Variants in SLCO3A1 observed in about 807,000 individuals in gnomAD.
SLCO3A1 encodes solute carrier organic anion transporter family member 3A1.
A neutral mutation model predicts 63.1 loss-of-function variants in SLCO3A1; 27 were observed. The ratio of observed to expected loss-of-function variants is 0.43; its 90% confidence interval spans 0.32 to 0.59. SLCO3A1 has a LOEUF of 0.59. Ranked by LOEUF, SLCO3A1 falls within the 20% of genes least tolerant of loss-of-function variation. SLCO3A1 has a pLI of 0.09. For missense variants in SLCO3A1, 773 were observed against 945.8 expected (o/e 0.82, Z 2.40); for synonymous variants, 473 against 409.9 (o/e 1.15, Z -1.86).
rs2048050546 is a variant in SLCO3A1 at position 92,135,834 on chromosome 15, T to C, written c.1512+7345T>C. On this transcript the variant is annotated intron_variant, in intron 7 of 9. Coordinates refer to ENST00000318445, the MANE Select transcript of SLCO3A1 (RefSeq NM_013272.4). ...GCAAAAGCAGGAAGAGCATGGCCTGTGGTGGTACTCCCCGGTAAACTCCCT... is the reference window on the plus strand; with the variant it reads ...GCAAAAGCAGGAAGAGCATGGCCTGCGGTGGTACTCCCCGGTAAACTCCCT... Among the ~76,000 whole-genome samples, 4 of 152,120 alleles carry C rather than the reference T, an allele frequency of 2.6e-5. No homozygotes were observed. The South Asian group carries it at 8.3e-4, about 32-fold the overall frequency.
intron 2 of SLCO3A1, among the ~76,000 whole-genome samples, chr15:91,930,927 T>C (rs1420296518): frequency 6.6e-6 from 1 of 152,228 alleles, no homozygotes; most frequent in Non-Finnish European, 1.5e-5. Context: ...TATTCTCAAC[T>C]ACTGTGTTTT....
At chr15:92,042,059 T>G (rs1175637033) in intron 2 of SLCO3A1, among the ~76,000 whole-genome samples, 1 of 152,164 alleles carries the variant, frequency 6.6e-6, no homozygotes, top group East Asian at 1.9e-4. Flanking sequence ...AGGTCTCAGA[T>G]GAGCCCCATG....
Position 91,865,788 on chromosome 15 carries a change from A to T in SLCO3A1, c.180+11700A>T, listed in dbSNP as rs1232115664. Among the ~76,000 whole-genome samples the T allele has an allele frequency of 6.6e-6, 1 of 152,192 alleles. No individual in the cohort carries two copies. Among genetic ancestry groups the T allele is most frequent in the African/African-American group, 2.4e-5 (1 of 41,442 alleles). ...TACATCTGCTAAGTCCTCGTTTCCAAATTAGGTCACATTCACAGGCACTAA... is the reference window on the plus strand; with the variant it reads ...TACATCTGCTAAGTCCTCGTTTCCATATTAGGTCACATTCACAGGCACTAA... On this transcript the variant is annotated intron_variant, in intron 1 of 9. Transcript: ENST00000318445. This position sits in a 1 kb window ranked among gnomAD's most constrained non-coding sequence, Gnocchi z 4.6.
intron 2 of SLCO3A1, among the ~76,000 whole-genome samples, chr15:92,083,067 CTG>C (rs774099073): frequency 1.2e-4 from 19 of 152,216 alleles, no homozygotes; most frequent in Non-Finnish European, 2.2e-4. Context: ...GGTAGGAAAA[CTG>C]TGTTTTCCCC....
At chr15:91,898,591 G>A (rs1428904396) in intron 1 of SLCO3A1, among the ~76,000 whole-genome samples, 51 of 151,950 alleles carry the variant, frequency 3.4e-4, no homozygotes, top group Non-Finnish European at 4.4e-5. Context: ...TTAACATTTC[G>A]ATCCGCAAGA....
At chr15:92,074,909 G>A (rs2047259769) in intron 2 of SLCO3A1, among the ~76,000 whole-genome samples, 1 of 152,214 alleles carries the variant, frequency 6.6e-6, no homozygotes, top group African/African-American at 2.4e-5. Flanking sequence ...AGAGCCAACA[G>A]TGAGGTGGAT....
At chr15:92,131,447 C>T (rs1379891077) in intron 7 of SLCO3A1, among the ~76,000 whole-genome samples, 1 of 116,692 alleles carries the variant, frequency 8.6e-6, no homozygotes, top group African/African-American at 2.9e-5. Context: ...TCACTGCAAC[C>T]TCTGCCTCCC....
At chr15:92,066,956 C>G (rs898482824) in intron 2 of SLCO3A1, among the ~76,000 whole-genome samples, 2 of 152,140 alleles carry the variant, frequency 1.3e-5, no homozygotes, top group Admixed American at 6.5e-5. Context: ...TATGGAGGAG[C>G]GTAATGAGAA....
Position 92,104,499 on chromosome 15 carries a change from C to T in SLCO3A1, c.966C>T (p.Pro322=). Residue 322 remains proline, a synonymous_variant, in exon 4 of 10, where the codon CCC becomes CCT. Transcript: ENST00000318445. ...PKPSNGVLRH[P]LEPDSSASCF... ...CCAGCAACGGGGTCCTGAGGCACCC[C>T]CTGGAGCCAGACAGCAGTGCCTCCT... The T allele has an allele frequency of 1.2e-6, 2 of 1,613,990 alleles. No homozygotes were observed. Among genetic ancestry groups the T allele is most frequent in the South Asian group, 2.2e-5 (2 of 91,062 alleles).
At chr15:92,059,258 G>T (rs770428504) in intron 2 of SLCO3A1, among the ~76,000 whole-genome samples, 5 of 152,208 alleles carry the variant, frequency 3.3e-5, no homozygotes, top group Non-Finnish European at 5.9e-5. Context: ...TTTCTGCAAG[G>T]ACACTGTTAC....
intron 2 of SLCO3A1, among the ~76,000 whole-genome samples, chr15:91,920,158 G>A (rs1356304556): frequency 3.3e-5 from 5 of 152,286 alleles, no homozygotes; most frequent in African/African-American, 9.6e-5. Context: ...CTGTGATTCC[G>A]AGAGGTTGAG....
chr15:91,974,404 G>A (rs568969015), intron 2 of SLCO3A1, among the ~76,000 whole-genome samples: 1 of 152,192 alleles, frequency 6.6e-6, no homozygotes, highest in African/African-American at 2.4e-5. Context: ...TGTATTGAGA[G>A]TATTTGCCAA....
chr15:91,932,042 A>T (rs1899254264), intron 2 of SLCO3A1, among the ~76,000 whole-genome samples: 1 of 152,172 alleles, frequency 6.6e-6, no homozygotes, highest in Non-Finnish European at 1.5e-5. Context: ...AGGAAGCTCC[A>T]TTGAGAGAGT....
At chr15:91,891,392 C>T (rs1391005382) in intron 1 of SLCO3A1, among the ~76,000 whole-genome samples, 2 of 152,182 alleles carry the variant, frequency 1.3e-5, no homozygotes, top group Non-Finnish European at 2.9e-5. Flanking sequence ...AATTCTCTTA[C>T]CACTGCTTGA....
intron 1 of SLCO3A1, among the ~76,000 whole-genome samples, chr15:91,855,892 A>G (rs1332901796): frequency 6.6e-6 from 1 of 152,110 alleles, no homozygotes; most frequent in Non-Finnish European, 1.5e-5. Context: ...GGTAGAGTGC[A>G]TTATTCATGT....
At chr15:92,041,263 C>T (rs996856259) in intron 2 of SLCO3A1, among the ~76,000 whole-genome samples, 2 of 152,118 alleles carry the variant, frequency 1.3e-5, no homozygotes, top group Non-Finnish European at 1.5e-5. Context: ...GGTATGTTTC[C>T]ATCAATCAAC....
intron 1 of SLCO3A1, among the ~76,000 whole-genome samples, chr15:91,867,866 A>T (rs1478430834): frequency 6.6e-6 from 1 of 152,070 alleles, no homozygotes; most frequent in Admixed American, 6.5e-5. Context: ...AGCTTCAAGG[A>T]CTGTGTGAAA....
intron 2 of SLCO3A1, among the ~76,000 whole-genome samples, chr15:92,024,491 G>A (rs1255464442): frequency 1.3e-5 from 2 of 152,200 alleles, no homozygotes; most frequent in Admixed American, 6.5e-5. Flanking sequence ...TGGAATTTAT[G>A]CTACCATGTA....
intron 2 of SLCO3A1, among the ~76,000 whole-genome samples, chr15:91,991,978 G>A (rs1476536737): frequency 6.6e-6 from 1 of 152,190 alleles, no homozygotes; most frequent in East Asian, 1.9e-4. Flanking sequence ...AAGAATTGCT[G>A]GGATGGCACC....
Sources: gnomAD v4.1 joint callset for allele counts (sites outside exome capture counted in the v4.1 genomes callset) on GRCh38, gnomAD v4.1.1 for gene constraint, Gnocchi (gnomAD v3.1) non-coding constraint, MANE v1.5 for transcripts, NCBI Gene and HGNC (gene_info 2026-07-23, HGNC 2026-07-21) for gene names.